The following ARG2 variants were observed in gnomAD, a reference collection of about 807,000 sequenced individuals.
ARG2 encodes the protein arginase 2.
A neutral mutation model predicts 39.4 loss-of-function variants in ARG2; 21 were observed. The ratio of observed to expected loss-of-function variants is 0.53; its 90% CI spans 0.38 to 0.77. The LOEUF (loss-of-function observed/expected upper bound fraction) is 0.77. ARG2 is among the 30% of genes least tolerant of loss of function. ARG2 has a pLI of 0.00. For missense variants in ARG2, 378 were observed against 426.2 expected (o/e 0.89, Z 1.00); for synonymous variants, 150 against 156.7 (o/e 0.96, Z 0.32).
chr14:67,647,765 G>A (rs2037119371), intron 6 of ARG2: 3 of 365,398 alleles, frequency 8.2e-6, no homozygotes, highest in Admixed American at 8.5e-5. Flanking sequence ...AGTATAAGAG[G>A]TTCTAATACC....
rs560257193 is a variant in ARG2, at chr14:67,647,092, AG to A, written c.722+69del. On this transcript the variant is annotated intron_variant, in intron 6 of 7. Coordinates refer to ENST00000261783, the MANE Select transcript of ARG2 (RefSeq NM_001172.4). ...CAACACACTTTTAGCCTGTTTCTTG[AG>A]GACAGCAGCTTTACTTTTAAAATAC... 37 of 1,016,800 alleles carry A rather than the reference AG, an allele frequency of 3.6e-5. No homozygotes were observed. The African/African-American group carries it at 5.9e-4, about 16-fold the overall frequency. The allele number at this position is 1,016,800 out of a possible 1,614,324, so 63.0% of individuals were successfully genotyped here.
At chr14:67,637,976 T>C (rs991405506) in intron 2 of ARG2, among the ~76,000 whole-genome samples, 2 of 152,132 alleles carry the variant, frequency 1.3e-5, no homozygotes, top group African/African-American at 4.8e-5. Context: ...AATGCTTTCT[T>C]CCTCTCCCGC....
chr14:67,629,155 G>A (rs1324496294), intron 2 of ARG2, among the ~76,000 whole-genome samples: 1 of 152,098 alleles, frequency 6.6e-6, no homozygotes, highest in Non-Finnish European at 1.5e-5. Context: ...GCAACTTAGC[G>A]AGTCCCAATC....
intron 6 of ARG2, 74 bp from the exon 7 acceptor site, chr14:67,647,973 A>G (rs185493183): frequency 1.1e-4 from 154 of 1,418,686 alleles, no homozygotes; most frequent in South Asian, 2.7e-4. Context: ...AGTTGCAACC[A>G]TAAGAAGGAT....
chr14:67,640,884 G>A (rs1366703912), intron 2 of ARG2, among the ~76,000 whole-genome samples: 1 of 152,204 alleles, frequency 6.6e-6, no homozygotes, highest in Non-Finnish European at 1.5e-5. Flanking sequence ...TAGAGGTTGA[G>A]CGTCCCTAAT....
In ARG2 at chr14:67,646,706, TA is replaced by T; in HGVS notation, c.586del (p.Ile196LeufsTer3). The T allele has an allele frequency of 1.2e-6, 2 of 1,613,890 alleles. No individual in the cohort carries two copies. Among genetic ancestry groups the T allele is most frequent in the African/African-American group, 1.3e-5 (1 of 75,030 alleles). ...GTATCTCTTCTGCAAGTATTGTGTA[TA>T]TTGGTCTGAGAGACGTGGACCCTCC... Reference protein sequence around the residue: ...PCISSASIVYIGLRDVDPPEH... With the variant: ...PCISSASIVYXGLRDVDPPEH... On this transcript the variant is annotated frameshift_variant, in exon 5 of 8. Coordinates refer to ENST00000261783, the MANE Select transcript of ARG2 (RefSeq NM_001172.4). LOFTEE classifies it high-confidence loss of function.
intron 3 of ARG2, among the ~76,000 whole-genome samples, chr14:67,645,177 C>CTT (rs879488836): frequency 1.4e-5 from 2 of 143,582 alleles, no homozygotes; most frequent in East Asian, 2.0e-4. Context: ...ACCTAGATTT[C>CTT]TTTTTTTTTT....
In ARG2 at chr14:67,651,275, A is replaced by C. The variant is rs2037172065; in HGVS notation, c.*355A>C. 6.3e-7 allele frequency: 1 copy of C among 1,590,978 alleles called. No individual in the cohort carries two copies. Among genetic ancestry groups the C allele is most frequent in the African/African-American group, 1.3e-5 (1 of 74,456 alleles). ...CTCCCACAGCCTGGCTATACAGTGCATCCTTGAACTGTCAGCCCACAGCAG... is the reference window on the plus strand; with the variant it reads ...CTCCCACAGCCTGGCTATACAGTGCCTCCTTGAACTGTCAGCCCACAGCAG... On this transcript the variant is annotated 3_prime_UTR_variant, in exon 8 of 8. Coordinates refer to ENST00000261783, the MANE Select transcript of ARG2 (RefSeq NM_001172.4).
At chr14:67,622,420 A>G (rs571818149) in intron 2 of ARG2, among the ~76,000 whole-genome samples, 2 of 152,294 alleles carry the variant, frequency 1.3e-5, no homozygotes, top group East Asian at 3.9e-4. Flanking sequence ...CTCCACCTAC[A>G]TATGGATATG....
rs143405592 is a variant in ARG2 at position 67,644,750 on chromosome 14, G to A, written c.363-893G>A. ...ATAGTGGCTCACGCCTGTAATCCTA[G>A]CACTTTGGGAGGCTGAGCCAGGTGG... On this transcript the variant is annotated intron_variant, in intron 3 of 7. Transcript: ENST00000261783. Among the ~76,000 whole-genome samples the A allele has an allele frequency of 2.8e-3, 431 of 152,276 alleles. 2 individuals are homozygous for A. Among genetic ancestry groups the A allele is most frequent in the African/African-American group, 9.1e-3 (380 of 41,554 alleles).
chr14:67,641,097 A>G (rs2037025345), intron 2 of ARG2, among the ~76,000 whole-genome samples: 1 of 152,204 alleles, frequency 6.6e-6, no homozygotes. Flanking sequence ...CCAAACAATC[A>G]TATTGTCCAC....
chr14:67,624,749 A>G (rs887373952), intron 2 of ARG2, among the ~76,000 whole-genome samples: 61 of 152,350 alleles, frequency 4.0e-4, no homozygotes, highest in Admixed American at 4.0e-3. Flanking sequence ...TATCAAGAAC[A>G]TTGGCAAAAA....
At chr14:67,620,868 A>G in intron 1 of ARG2, 26 bp from the exon 2 acceptor site, 1 of 1,613,278 alleles carries the variant, frequency 6.2e-7, no homozygotes, top group Non-Finnish European at 8.5e-7. Context: ...CTCTACCTCT[A>G]ATTGTGTAAT....
At chr14:67,648,431 T>A (rs1018364529) in intron 7 of ARG2, 2 of 333,068 alleles carry the variant, frequency 6.0e-6, no homozygotes, top group African/African-American at 4.2e-5. Context: ...TTTAAACAAT[T>A]AAATACAAGA....
intron 2 of ARG2, 125 bp from the exon 3 acceptor site, chr14:67,642,061 T>A (rs1018348510): frequency 2.0e-6 from 2 of 976,654 alleles, no homozygotes; most frequent in African/African-American, 3.3e-5. Flanking sequence ...TTTGACATTT[T>A]AAATTTTACT....
intron 4 of ARG2, 43 bp from the exon 5 acceptor site, chr14:67,646,601 A>C: frequency 6.8e-7 from 1 of 1,470,340 alleles, no homozygotes; most frequent in Non-Finnish European, 9.5e-7. Flanking sequence ...CTTGGTGAGA[A>C]CAAGAATTCT....
intron 2 of ARG2, among the ~76,000 whole-genome samples, chr14:67,640,626 G>A (rs1457980085): frequency 2.6e-5 from 4 of 152,074 alleles, no homozygotes; most frequent in African/African-American, 7.2e-5. Context: ...ATTAAGATAC[G>A]CCACGTCTTA....
intron 2 of ARG2, among the ~76,000 whole-genome samples, chr14:67,636,072 T>A (rs2036968858): frequency 6.6e-6 from 1 of 152,004 alleles, no homozygotes; most frequent in Admixed American, 6.6e-5. Context: ...AGAAACAATT[T>A]GGAAAAACTG....
At chr14:67,648,338 A>G in intron 7 of ARG2, 155 bp downstream of exon 7, 1 of 791,044 alleles carries the variant, frequency 1.3e-6, no homozygotes, top group Non-Finnish European at 1.9e-6. Context: ...ATGCTAATAA[A>G]AAGGATATAG....
Sources: allele counts gnomAD v4.1 joint callset (sites outside exome capture counted in the v4.1 genomes callset), GRCh38; gene constraint gnomAD v4.1.1; transcripts MANE v1.5; gene names NCBI Gene and HGNC (gene_info 2026-07-23, HGNC 2026-07-21).